Variants in AGMO observed in about 807,000 individuals in gnomAD.
AGMO encodes the protein alkylglycerol monooxygenase.
AGMO carries 75 observed loss-of-function variants against 60.2 expected under a neutral mutation model. The ratio of observed to expected loss-of-function variants is 1.25; its 90% CI spans 1.03 to 1.51. AGMO has a LOEUF of 1.51. Ranked by LOEUF, AGMO falls within the 40% of genes most tolerant of loss-of-function variation. The probability of loss-of-function intolerance (pLI) is 0.00; values close to 1 mark genes in which losing one functional copy is unlikely to be tolerated. For missense variants in AGMO, 763 were observed against 525.5 expected (o/e 1.45, Z -4.42); for synonymous variants, 261 against 177.1 (o/e 1.47, Z -3.76).
intron 12 of AGMO, among the ~76,000 whole-genome samples, chr7:15,277,838 G>A (rs950390503): frequency 3.9e-5 from 6 of 152,170 alleles, no homozygotes; most frequent in African/African-American, 4.8e-5. Context: ...CCCAGGTGGG[G>A]TCAGGCACAG....
chr7:15,260,047 G>A (rs575365604), intron 12 of AGMO, among the ~76,000 whole-genome samples: 1 of 149,930 alleles, frequency 6.7e-6, no homozygotes, highest in Non-Finnish European at 1.5e-5. Flanking sequence ...AAGTATTTAG[G>A]CAACAAATAG....
chr7:15,529,640 A>ATTCTG lies in AGMO; in HGVS notation c.409+15131_409+15132insCAGAA, dbSNP rs1784235709. 1.2e-4 allele frequency among the ~76,000 whole-genome samples: 7 copies of ATTCTG among 57,364 alleles called. 1 individual carries two copies. Among genetic ancestry groups the ATTCTG allele is most frequent in the African/African-American group, 4.9e-4 (7 of 14,222 alleles). The allele number at this position is 57,364 out of a possible 152,430, so 37.6% of individuals were successfully genotyped here. A position where few individuals can be genotyped will look rare whatever the true frequency, so the allele number is the denominator to read the frequency against. On this transcript the variant is annotated intron_variant, in intron 3 of 12. Coordinates refer to ENST00000342526, the MANE Select transcript of AGMO (RefSeq NM_001004320.2). ...TATAGAATATATATATAGAATATATATATATACTATATATTCTATATATAT... is the reference window on the plus strand; with the variant it reads ...TATAGAATATATATATAGAATATATATTCTGTATATACTATATATTCTATATATAT...
intron 10 of AGMO, among the ~76,000 whole-genome samples, chr7:15,368,687 C>T (rs1449298757): frequency 6.6e-6 from 1 of 152,042 alleles, no homozygotes; most frequent in East Asian, 1.9e-4. Flanking sequence ...GGAGCTTAGG[C>T]TAATCTTAAT....
chr7:15,199,220 C>T (rs117712347), downstream of AGMO, among the ~76,000 whole-genome samples: 1,240 of 152,168 alleles, frequency 8.1e-3, 49 homozygotes, highest in Admixed American at 0.066. Context: ...GTCTGGTAAC[C>T]ACTCCCACTT....
At chr7:15,518,774 A>T (rs2128534354) in intron 3 of AGMO, among the ~76,000 whole-genome samples, 1 of 152,186 alleles carries the variant, frequency 6.6e-6, no homozygotes, top group African/African-American at 2.4e-5. Flanking sequence ...AAAGTATCAC[A>T]ACTCCTCGCC....
At chr7:15,548,043 C>T (rs538618170) in intron 2 of AGMO, among the ~76,000 whole-genome samples, 7 of 150,926 alleles carry the variant, frequency 4.6e-5, no homozygotes, top group African/African-American at 1.7e-4. Flanking sequence ...GAGGCACCCC[C>T]CAGCAGGGGC....
In AGMO at chr7:15,418,639, G is replaced by A. The variant is rs754412614; in HGVS notation, c.528C>T (p.Pro176=). ...CTGAAGGGGGTATGAAGAGGGCCAG[G>A]GGAGAGTAGAAAATCTGAAAGAAAA... ...QIYTSWIFYS[P]LALFIPPSVY... Residue 176 remains proline (P), a synonymous_variant, in exon 5 of 13, where the codon CCC becomes CCT. Coordinates refer to ENST00000342526, the MANE Select transcript of AGMO (RefSeq NM_001004320.2). 39 of 1,558,038 alleles carry A rather than the reference G, an allele frequency of 2.5e-5. No homozygotes were observed. The African/African-American group carries it at 5.4e-4, about 21-fold the overall frequency.
intron 12 of AGMO, among the ~76,000 whole-genome samples, chr7:15,275,949 G>A (rs1187133341): frequency 1.3e-5 from 2 of 151,772 alleles, no homozygotes; most frequent in African/African-American, 4.8e-5. Flanking sequence ...TTTCTTGCTT[G>A]CAGCAAACGG....
intron 3 of AGMO, among the ~76,000 whole-genome samples, chr7:15,439,170 G>A (rs976191809): frequency 6.6e-6 from 1 of 152,182 alleles, no homozygotes; most frequent in South Asian, 2.1e-4. Flanking sequence ...AGGCCAAGGT[G>A]GGCATATCAC....
At chr7:15,360,544 G>A (rs374705306) in intron 12 of AGMO, among the ~76,000 whole-genome samples, 1 of 152,094 alleles carries the variant, frequency 6.6e-6, no homozygotes, top group Non-Finnish European at 1.5e-5. Flanking sequence ...CATCATAAAG[G>A]TCTCTTTTTC....
At chr7:15,306,635 T>G in intron 12 of AGMO, 9 of 403,402 alleles carry the variant, frequency 2.2e-5, no homozygotes, top group South Asian at 1.6e-4. Context: ...TTAATATGGT[T>G]TATGGCACTA....
the AGMO span, among the ~76,000 whole-genome samples, chr7:15,118,778 C>A: frequency 6.6e-6 from 1 of 151,454 alleles, no homozygotes; most frequent in Non-Finnish European, 1.5e-5. Context: ...CCATTAGTAC[C>A]ACCTGAGGAG....
At chr7:15,201,873 T>A (rs1432584155) in intron 12 of AGMO, among the ~76,000 whole-genome samples, 1 of 152,134 alleles carries the variant, frequency 6.6e-6, no homozygotes, top group Non-Finnish European at 1.5e-5. Flanking sequence ...TTTTATCAGG[T>A]GTAAAAATGT....
At chr7:15,239,610 A>G (rs1052373640) in intron 12 of AGMO, among the ~76,000 whole-genome samples, 1 of 152,096 alleles carries the variant, frequency 6.6e-6, no homozygotes, top group Non-Finnish European at 1.5e-5. Context: ...GTGCCTGTAT[A>G]ATTTATCTTT....
At chr7:15,430,955 A>T in intron 4 of AGMO, 50 bp downstream of exon 4, 2 of 951,880 alleles carry the variant, frequency 2.1e-6, no homozygotes, top group Non-Finnish European at 3.0e-6. Context: ...AATAGCTGAG[A>T]CTTAAAAACA....
chr7:15,304,823 T>G (rs556491370), intron 12 of AGMO, among the ~76,000 whole-genome samples: 1 of 152,160 alleles, frequency 6.6e-6, no homozygotes, highest in East Asian at 1.9e-4. Flanking sequence ...CCATCATATA[T>G]TCTCATGAAA....
At chr7:15,128,443 C>T in the AGMO span, among the ~76,000 whole-genome samples, 1 of 152,102 alleles carries the variant, frequency 6.6e-6, no homozygotes, top group Admixed American at 6.6e-5. Context: ...TTATCAGTGC[C>T]TATAAAACTG....
chr7:15,198,588 G>A (rs557842001), downstream of AGMO, among the ~76,000 whole-genome samples: 3 of 152,276 alleles, frequency 2.0e-5, no homozygotes, highest in African/African-American at 7.2e-5. Flanking sequence ...GGAGACTGGA[G>A]TTTTATTATT....
chr7:15,270,775 G>A (rs1257047492), intron 12 of AGMO, among the ~76,000 whole-genome samples: 3 of 150,526 alleles, frequency 2.0e-5, no homozygotes, highest in Non-Finnish European at 3.0e-5. Context: ...TTTCTTCTAG[G>A]ATTTTTATAA....
Sources: allele counts gnomAD v4.1 joint callset (sites outside exome capture counted in the v4.1 genomes callset), GRCh38; gene constraint gnomAD v4.1.1; transcripts MANE v1.5; gene names NCBI Gene and HGNC (gene_info 2026-07-23, HGNC 2026-07-21).